LRRC37B: variants seen among roughly 807,000 people sequenced by gnomAD.
The protein encoded by LRRC37B is leucine-rich repeat-containing protein 37B.
LRRC37B carries 28 observed loss-of-function variants against 98.3 expected under a neutral mutation model. The ratio of observed to expected loss-of-function variants is 0.28; its 90% CI spans 0.21 to 0.39. The LOEUF is 0.39. LRRC37B is among the 10% of genes least tolerant of loss of function. LRRC37B has a pLI of 1.00. For missense variants in LRRC37B, 938 were observed against 1,182.7 expected (o/e 0.79, Z 3.03); for synonymous variants, 364 against 442.7 (o/e 0.82, Z 2.23).
At chr17:32,020,891 G>C, upstream of LRRC37B, 1 of 935,724 alleles carries the variant, frequency 1.1e-6, no homozygotes, top group Non-Finnish European at 1.4e-6. Flanking sequence ...GGACCACCCC[G>C]GTCTGCGGCC....
intron 1 of LRRC37B, among the ~76,000 whole-genome samples, chr17:32,013,200 T>G (rs1910575103): frequency 6.6e-6 from 1 of 152,186 alleles, no homozygotes. Flanking sequence ...AGATGGGGTT[T>G]TGCCATGTTG....
exon 1 of LRRC37B, chr17:32,021,247 C>G (rs187030197): frequency 6.2e-7 from 1 of 1,612,696 alleles, no homozygotes; most frequent in Non-Finnish European, 8.5e-7. Context: ...GTCAAGGACC[C>G]GCTCCAGCTG....
intron 7 of LRRC37B, chr17:32,045,390 A>T (rs891666753): frequency 7.1e-5 from 20 of 283,484 alleles, no homozygotes; most frequent in African/African-American, 4.2e-4. Flanking sequence ...TTCTTCCTGT[A>T]TCTTTCAGCC....
chr17:32,050,130 G>C (rs1257168966), intron 11 of LRRC37B, 23 bp downstream of exon 14: 1 of 1,261,622 alleles, frequency 7.9e-7, no homozygotes, highest in Non-Finnish European at 1.2e-6. Context: ...ATTAATTCAG[G>C]TTTTCAGAAT....
chr17:32,036,935 C>G (rs1567617074), intron 7 of LRRC37B, among the ~76,000 whole-genome samples: 1 of 150,534 alleles, frequency 6.6e-6, no homozygotes, highest in East Asian at 1.9e-4. Flanking sequence ...TACATTTCCA[C>G]CAGCGTTGTA....
At chr17:32,039,506 A>ATTTT (rs1223955678) in intron 7 of LRRC37B, among the ~76,000 whole-genome samples, 3 of 50,894 alleles carry the variant, frequency 5.9e-5, no homozygotes, top group South Asian at 6.9e-4. Context: ...ATATATATAT[A>ATTTT]TATATATATA....
chr17:32,020,963 G>A (rs1191000177), upstream of LRRC37B: 14 of 1,465,356 alleles, frequency 9.6e-6, no homozygotes, highest in Middle Eastern at 2.1e-4. Flanking sequence ...GGGAAGGGGC[G>A]CTTGGGCGGG....
At chr17:32,022,570 C>G in exon 1 of LRRC37B, 1 of 1,613,990 alleles carries the variant, frequency 6.2e-7, no homozygotes, top group Non-Finnish European at 8.5e-7. Context: ...GCTCCTCATC[C>G]AGACCAGGTT....
chr17:32,042,616 A>G (rs1911473294), intron 7 of LRRC37B: 1 of 152,684 alleles, frequency 6.5e-6, no homozygotes, highest in African/African-American at 2.4e-5. Flanking sequence ...AAATCGACGA[A>G]ATGGAGGGTC....
At chr17:32,019,157 C>T (rs957967963), upstream of LRRC37B, among the ~76,000 whole-genome samples, 6 of 152,214 alleles carry the variant, frequency 3.9e-5, no homozygotes, top group African/African-American at 1.2e-4. Flanking sequence ...GAACTCCTGA[C>T]CTCAGGTGAT....
upstream of LRRC37B, among the ~76,000 whole-genome samples, chr17:32,018,990 G>A (rs560194774): frequency 7.0e-4 from 107 of 152,186 alleles, 1 homozygote; most frequent in South Asian, 1.2e-3. Context: ...GCGATGGCAC[G>A]ATCTCAGCTC....
At chr17:32,023,120 CTTTT>C (rs1224317741) in intron 1 of LRRC37B, among the ~76,000 whole-genome samples, 1 of 133,084 alleles carries the variant, frequency 7.5e-6, no homozygotes, top group African/African-American at 2.7e-5. Context: ...GCTTCACCCT[CTTTT>C]TTTTTTTTTT....
intron 11 of LRRC37B, among the ~76,000 whole-genome samples, chr17:32,050,865 C>T (rs1421979155): frequency 1.3e-5 from 2 of 152,164 alleles, no homozygotes; most frequent in Non-Finnish European, 2.9e-5. Flanking sequence ...TCCTGGAGCT[C>T]GCCTCTTTTT....
intron 7 of LRRC37B, chr17:32,041,460 A>G (rs1451697018): frequency 1.4e-6 from 1 of 691,946 alleles, no homozygotes; most frequent in South Asian, 1.4e-5. Context: ...GTACCAGGGC[A>G]TGCTGGACAG....
At chr17:32,024,810 A>G in intron 2 of LRRC37B, 28 bp downstream of exon 5, 1 of 1,596,308 alleles carries the variant, frequency 6.3e-7, no homozygotes, top group South Asian at 1.1e-5. Flanking sequence ...AAATATGACA[A>G]AAAACTAACT....
upstream of LRRC37B, chr17:32,007,810 G>C (rs1166096511): frequency 1.7e-6 from 2 of 1,183,516 alleles, no homozygotes; most frequent in African/African-American, 1.6e-5. The surrounding 1 kb of genome is among the most constrained non-coding windows in gnomAD (Gnocchi z 4.1). Context: ...AGGGTGGGCA[G>C]CAGTAGCCGG....
At chr17:32,010,131 T>C (rs1289643098) in intron 1 of LRRC37B, among the ~76,000 whole-genome samples, 1 of 152,252 alleles carries the variant, frequency 6.6e-6, no homozygotes, top group Non-Finnish European at 1.5e-5. Context: ...TTTTTTCTTT[T>C]ACAGATTTGT....
chr17:32,022,959 T>C (rs1910845385), intron 1 of LRRC37B, 134 bp downstream of exon 4: 12 of 812,388 alleles, frequency 1.5e-5, no homozygotes, highest in Non-Finnish European at 2.4e-5. Flanking sequence ...CCTTTGCCTG[T>C]CAATTCTCCC....
intron 5 of LRRC37B, among the ~76,000 whole-genome samples, chr17:32,031,841 T>C (rs1911119991): frequency 6.6e-6 from 1 of 151,988 alleles, no homozygotes; most frequent in Non-Finnish European, 1.5e-5. Context: ...CCATCCCTAC[T>C]GAAAATACAA....
Sources: gnomAD v4.1 joint callset for allele counts (sites outside exome capture counted in the v4.1 genomes callset) on GRCh38, gnomAD v4.1.1 for gene constraint, Gnocchi (gnomAD v3.1) non-coding constraint, MANE v1.5 for transcripts, NCBI Gene and HGNC (gene_info 2026-07-23, HGNC 2026-07-21) for gene names.